Variants in GPHN observed in about 807,000 individuals in gnomAD.
GPHN encodes the protein gephyrin.
In GPHN, 17 loss-of-function variants were observed where a neutral mutation model predicts 95.5. That is an observed-to-expected ratio of 0.18 (90% confidence interval 0.12 to 0.27). GPHN has a LOEUF of 0.27. Among genes scored for constraint, GPHN ranks in the 10% least tolerant of loss-of-function variants. The pLI, the probability that GPHN is intolerant of heterozygous loss-of-function variation, is 1.00. For synonymous variants in GPHN, 320 were observed against 322.5 expected (o/e 0.99, Z 0.08); for missense variants, 660 against 978.1 (o/e 0.67, Z 4.34).
chr14:67,665,869 G>C, the GPHN span, among the ~76,000 whole-genome samples: 1 of 152,144 alleles, frequency 6.6e-6, no homozygotes, highest in Admixed American at 6.5e-5. Flanking sequence ...AAAAAAGGTA[G>C]AGGAAGGTTC....
At chr14:67,612,734 C>T in the GPHN span, among the ~76,000 whole-genome samples, 5 of 152,058 alleles carry the variant, frequency 3.3e-5, no homozygotes, top group East Asian at 5.8e-4. Flanking sequence ...GCCAGGAGTT[C>T]GAAACCAGCC....
At position 66,950,653 on chromosome 14, in the gene GPHN, T is replaced by C. The variant is rs1231659465; in HGVS notation, c.829-14538T>C. On this transcript the variant is annotated intron_variant, in intron 8 of 22. Transcript: ENST00000478722. The stretch of plus-strand genomic sequence containing the variant: ...AGTTGTTGAGTATGTTGGCCACTTA[T>C]TTTCTGAAACAGTCCCCCACCATGT... 2.0e-5 allele frequency among the ~76,000 whole-genome samples: 3 copies of C among 152,292 alleles called. No homozygotes were observed. The East Asian group carries it at 5.8e-4, about 29-fold the overall frequency.
the GPHN span, among the ~76,000 whole-genome samples, chr14:67,362,318 C>T: frequency 6.6e-6 from 1 of 151,916 alleles, no homozygotes; most frequent in Non-Finnish European, 1.5e-5. Flanking sequence ...CTGCGCCTGG[C>T]CTGGTAAGAG....
the GPHN span, chr14:67,692,569 C>T: frequency 7.5e-6 from 12 of 1,601,192 alleles, no homozygotes; most frequent in Non-Finnish European, 1.0e-5. Context: ...TTCCACATCC[C>T]GGCAAGCTAA....
rs1188083697 is a variant in GPHN at position 66,594,803 on chromosome 14, TACAAATAG to T, written c.64+86221_64+86228del. ...ACCCCCAAAGCACAGACGACAAAAG[TACAAATAG>T]ACAAATAGGATGACATCAAACTAAA... On this transcript the variant is annotated intron_variant, in intron 1 of 22. Transcript: ENST00000478722. 3.9e-4 allele frequency among the ~76,000 whole-genome samples: 59 copies of T among 151,978 alleles called. 1 individual carries two copies. The highest frequency in any genetic ancestry group is 1.4e-3 in the African/African-American group (56 of 41,424).
At chr14:67,717,112 T>C in the GPHN span, among the ~76,000 whole-genome samples, 3 of 152,182 alleles carry the variant, frequency 2.0e-5, no homozygotes, top group Non-Finnish European at 2.9e-5. Context: ...ATATCATTCA[T>C]TAACTAGAGT....
intron 2 of GPHN, among the ~76,000 whole-genome samples, chr14:66,742,095 A>G (rs1266776737): frequency 6.6e-6 from 1 of 152,200 alleles, no homozygotes; most frequent in Non-Finnish European, 1.5e-5. Flanking sequence ...AAAAATGTCA[A>G]AACACTCTAA....
chr14:67,130,831 T>G (rs903978142), intron 17 of GPHN, among the ~76,000 whole-genome samples: 2 of 152,176 alleles, frequency 1.3e-5, no homozygotes, highest in African/African-American at 2.4e-5. Flanking sequence ...TGGTTTTGAT[T>G]TGTATTTCTC....
At chr14:67,508,761 A>AAAAAAAAAAAAAAAAAAAAC in the GPHN span, among the ~76,000 whole-genome samples, 1 of 149,624 alleles carries the variant, frequency 6.7e-6, no homozygotes, top group Non-Finnish European at 1.5e-5. Context: ...CTCAAAAAAA[A>AAAAAAAAAAAAAAAAAAAAC]AAAAAAAAAA....
At chr14:67,098,152 A>T (rs965181917) in intron 12 of GPHN, among the ~76,000 whole-genome samples, 4 of 152,194 alleles carry the variant, frequency 2.6e-5, no homozygotes, top group South Asian at 2.1e-4. Flanking sequence ...ATAATAATAA[A>T]AAAAAAGATA....
chr14:66,598,313 T>C (rs1214053803), intron 1 of GPHN, among the ~76,000 whole-genome samples: 2 of 152,142 alleles, frequency 1.3e-5, no homozygotes, highest in African/African-American at 4.8e-5. Flanking sequence ...TAAGGTAATG[T>C]ATATGTTAAA....
chr14:66,562,329 T>TA (rs1208570504), intron 1 of GPHN, among the ~76,000 whole-genome samples: 1 of 152,158 alleles, frequency 6.6e-6, no homozygotes, highest in Non-Finnish European at 1.5e-5. Context: ...TAAATGTACT[T>TA]ACCACAGAAA....
intron 9 of GPHN, among the ~76,000 whole-genome samples, 198 bp downstream of exon 9, chr14:66,965,523 T>C (rs1234281167): frequency 2.6e-5 from 4 of 152,208 alleles, no homozygotes; most frequent in Non-Finnish European, 4.4e-5. Flanking sequence ...ACAGATTTCA[T>C]TCAAAATGTC....
At chr14:66,968,662 A>AG (rs1336304300) in intron 9 of GPHN, among the ~76,000 whole-genome samples, 1 of 152,114 alleles carries the variant, frequency 6.6e-6, no homozygotes, top group Admixed American at 6.5e-5. Flanking sequence ...AAATTAAGCA[A>AG]GTTACTTAAC....
chr14:67,182,147 A>G (rs200167761), downstream of GPHN, among the ~76,000 whole-genome samples: 12 of 152,318 alleles, frequency 7.9e-5, no homozygotes, highest in East Asian at 2.3e-3. Flanking sequence ...TCAAACATCT[A>G]CAGTTCTTTG....
the GPHN span, among the ~76,000 whole-genome samples, chr14:67,326,221 ATTTTTTTTTTTTTTTTTTTTTT>A: frequency 3.9e-4 from 5 of 12,894 alleles, no homozygotes; most frequent in Admixed American, 1.1e-3. Context: ...TTTAGGTCTG[ATTTTTTTTTTTTTTTTTTTTTT>A]TTTTTTTTTT....
the GPHN span, among the ~76,000 whole-genome samples, chr14:67,274,477 C>G: frequency 6.6e-6 from 1 of 152,010 alleles, no homozygotes; most frequent in Admixed American, 6.6e-5. Context: ...TTCCATTGGT[C>G]TATATCTCTG....
chr14:67,598,537 A>G, the GPHN span, among the ~76,000 whole-genome samples: 2 of 152,122 alleles, frequency 1.3e-5, no homozygotes, highest in African/African-American at 4.8e-5. Flanking sequence ...GGAATTCAGT[A>G]AAGCATCTGG....
the GPHN span, among the ~76,000 whole-genome samples, chr14:67,427,408 C>T: frequency 1.3e-5 from 2 of 152,172 alleles, no homozygotes; most frequent in Non-Finnish European, 2.9e-5. Context: ...TGGCTGTGGC[C>T]GTGGAAATGC....
Sources: gnomAD v4.1 joint callset for allele counts (sites outside exome capture counted in the v4.1 genomes callset) on GRCh38, gnomAD v4.1.1 for gene constraint, MANE v1.5 for transcripts, NCBI Gene and HGNC (gene_info 2026-07-23, HGNC 2026-07-21) for gene names.